Variants in FHIT observed in about 807,000 individuals in gnomAD.
The protein encoded by FHIT is bis(5'-adenosyl)-triphosphatase.
Under a neutral mutation model 17.9 loss-of-function variants are expected in FHIT, and 19 were observed. The observed-to-expected ratio is 1.06, with a 90% CI of 0.74 to 1.56. The LOEUF (loss-of-function observed/expected upper bound fraction) is 1.56, where lower values mean the gene tolerates loss of function less well. Ranked by LOEUF, FHIT falls within the 40% of genes most tolerant of loss-of-function variation. The pLI is 0.00. For synonymous variants in FHIT, 81 were observed against 69.7 expected, an observed-to-expected ratio of 1.16 and a Z score of -0.81; for missense variants, 248 against 189.2, an observed-to-expected ratio of 1.31 and a Z score of -1.82.
intron 2 of FHIT, among the ~76,000 whole-genome samples, chr3:61,086,981 T>C (rs935218361): frequency 3.3e-5 from 5 of 152,156 alleles, no homozygotes; most frequent in African/African-American, 1.2e-4. Context: ...CTTTCTGTTC[T>C]TCTAATCCCA....
chr3:60,869,458 T>C (rs112432042), intron 3 of FHIT, among the ~76,000 whole-genome samples: 64 of 152,214 alleles, frequency 4.2e-4, no homozygotes, highest in Middle Eastern at 3.4e-3. Context: ...TCAATTCTCA[T>C]AGGGAAATAT....
At chr3:60,765,858 T>C (rs912257730) in intron 4 of FHIT, among the ~76,000 whole-genome samples, 1 of 152,196 alleles carries the variant, frequency 6.6e-6, no homozygotes, top group Non-Finnish European at 1.5e-5. Context: ...TGCTGTGTCT[T>C]CTGGCTGCCT....
chr3:60,358,761 C>T (rs900368438), intron 5 of FHIT, among the ~76,000 whole-genome samples: 1 of 152,178 alleles, frequency 6.6e-6, no homozygotes, highest in African/African-American at 2.4e-5. Context: ...GTTTTGGAGC[C>T]AGGTGAACTG....
chr3:60,139,282 T>G (rs1699936860), intron 5 of FHIT, among the ~76,000 whole-genome samples: 1 of 152,138 alleles, frequency 6.6e-6, no homozygotes, highest in Non-Finnish European at 1.5e-5. Flanking sequence ...TGCCATCCCA[T>G]AGCTGATTCC....
At chr3:60,931,521 T>C (rs1559842051) in intron 3 of FHIT, among the ~76,000 whole-genome samples, 1 of 152,172 alleles carries the variant, frequency 6.6e-6, no homozygotes, top group Non-Finnish European at 1.5e-5. Context: ...CTGCCGCCTG[T>C]TTTTAGTACA....
chr3:60,011,542 A>T, intron 6 of FHIT, 142 bp from the exon 7 acceptor site: 1 of 734,488 alleles, frequency 1.4e-6, no homozygotes, highest in East Asian at 2.7e-5. Flanking sequence ...ATTGGCTTCA[A>T]ATGTGCGGGA....
intron 2 of FHIT, among the ~76,000 whole-genome samples, chr3:61,111,130 T>C (rs570736886): frequency 6.6e-5 from 10 of 152,318 alleles, no homozygotes; most frequent in African/African-American, 4.8e-5. Flanking sequence ...GGTTTCCTCA[T>C]TGGAACTGAT....
rs138016403 is a variant in FHIT at position 60,362,784 on chromosome 3, A to C, written c.103+174076T>G. ...CAGATTGCCTTCCTTATAGAGTTAT[A>C]GTGAGGGATAAACAGGGTACAGTAT... On this transcript the variant is annotated intron_variant, in intron 5 of 9. Coordinates refer to ENST00000492590, the MANE Select transcript of FHIT (RefSeq NM_002012.4). 9.5e-3 allele frequency among the ~76,000 whole-genome samples: 1,440 copies of C among 152,304 alleles called. 27 individuals are homozygous for C. Among genetic ancestry groups the C allele is most frequent in the African/African-American group, 0.033 (1,369 of 41,562 alleles).
At chr3:59,964,473 A>T (rs1451249432) in intron 7 of FHIT, among the ~76,000 whole-genome samples, 1 of 152,156 alleles carries the variant, frequency 6.6e-6, no homozygotes, top group East Asian at 1.9e-4. Context: ...CACTTCCAGA[A>T]CATAGAATAA....
At chr3:60,308,574 C>A (rs376933082) in intron 5 of FHIT, among the ~76,000 whole-genome samples, 1 of 131,758 alleles carries the variant, frequency 7.6e-6, no homozygotes, top group Non-Finnish European at 1.7e-5. Flanking sequence ...TACATTGGGT[C>A]CCCCCCCAAC....
At chr3:60,060,688 G>C (rs1702261794) in intron 5 of FHIT, among the ~76,000 whole-genome samples, 1 of 152,110 alleles carries the variant, frequency 6.6e-6, no homozygotes. Context: ...GGGTGTCTTA[G>C]GCATTTCCAG....
At chr3:60,061,625 T>C (rs1702298418) in intron 5 of FHIT, among the ~76,000 whole-genome samples, 1 of 152,258 alleles carries the variant, frequency 6.6e-6, no homozygotes, top group Non-Finnish European at 1.5e-5. Context: ...CAGGATATTT[T>C]TCTTCCACAA....
intron 1 of FHIT, among the ~76,000 whole-genome samples, chr3:61,209,395 G>A (rs546943616): frequency 3.3e-5 from 5 of 152,222 alleles, no homozygotes; most frequent in South Asian, 2.1e-4. Flanking sequence ...TCTCCTGAAT[G>A]ATATCCTGCA....
intron 5 of FHIT, among the ~76,000 whole-genome samples, chr3:60,117,096 C>G (rs1405182839): frequency 6.6e-6 from 1 of 151,974 alleles, no homozygotes; most frequent in South Asian, 2.1e-4. Flanking sequence ...ATTGTACAGG[C>G]TTACTGGATT....
intron 5 of FHIT, among the ~76,000 whole-genome samples, chr3:60,283,731 T>C (rs62248473): frequency 0.021 from 3,162 of 152,244 alleles, 52 homozygotes; most frequent in Non-Finnish European, 0.031. Context: ...GAAGACTGTC[T>C]TCCTGACCTG....
intron 3 of FHIT, among the ~76,000 whole-genome samples, chr3:60,925,592 G>A (rs1707551233): frequency 6.6e-6 from 1 of 152,202 alleles, no homozygotes. Flanking sequence ...ACTGGTACCA[G>A]CCACTGCAGA....
intron 4 of FHIT, among the ~76,000 whole-genome samples, chr3:60,810,137 C>G (rs1253424441): frequency 1.3e-5 from 2 of 152,170 alleles, no homozygotes. Flanking sequence ...TCAACACACC[C>G]AAGTTGGCCT....
At chr3:60,307,676 G>A (rs1285168289) in intron 5 of FHIT, among the ~76,000 whole-genome samples, 4 of 152,094 alleles carry the variant, frequency 2.6e-5, no homozygotes, top group African/African-American at 9.7e-5. Flanking sequence ...CCCAGGAAAA[G>A]AGGTATTTTC....
chr3:60,166,864 G>A (rs964984029), intron 5 of FHIT, among the ~76,000 whole-genome samples: 7 of 152,162 alleles, frequency 4.6e-5, no homozygotes, highest in African/African-American at 1.2e-4. Context: ...GGAGAGAATA[G>A]GAAGAGCAAG....
Sources: gnomAD v4.1 joint callset for allele counts (sites outside exome capture counted in the v4.1 genomes callset) on GRCh38, gnomAD v4.1.1 for gene constraint, MANE v1.5 for transcripts, NCBI Gene and HGNC (gene_info 2026-07-23, HGNC 2026-07-21) for gene names.